Variants in CACNA2D3 observed in about 807,000 individuals in gnomAD.
CACNA2D3 encodes the protein calcium voltage-gated channel auxiliary subunit alpha2delta 3.
In CACNA2D3, 60 loss-of-function variants were observed where a neutral mutation model predicts 160.6. That is an observed-to-expected ratio of 0.37 (90% CI 0.30 to 0.46). The LOEUF is 0.46. Among genes scored for constraint, CACNA2D3 ranks in the 20% least tolerant of loss-of-function variants. The pLI, the probability that CACNA2D3 is intolerant of heterozygous loss-of-function variation, is 1.00. For missense variants in CACNA2D3, 1,205 were observed against 1,365.0 expected, an observed-to-expected ratio of 0.88 and a Z score of 1.85; for synonymous variants, 558 against 492.9, an observed-to-expected ratio of 1.13 and a Z score of -1.75.
intron 14 of CACNA2D3, among the ~76,000 whole-genome samples, chr3:54,831,745 G>A (rs1311468286): frequency 6.6e-6 from 1 of 152,080 alleles, no homozygotes; most frequent in African/African-American, 2.4e-5. Context: ...TCCTTTGTGT[G>A]GATTGTACAT....
intron 35 of CACNA2D3, among the ~76,000 whole-genome samples, chr3:55,062,811 C>G (rs572838605): frequency 1.3e-5 from 2 of 152,216 alleles, no homozygotes; most frequent in African/African-American, 4.8e-5. Context: ...TTTAGCTGCC[C>G]TAGAAGGTAA....
chr3:54,744,621 C>G (rs1423104217), intron 11 of CACNA2D3, among the ~76,000 whole-genome samples: 1 of 152,196 alleles, frequency 6.6e-6, no homozygotes, highest in Non-Finnish European at 1.5e-5. Context: ...TCAAAACCCA[C>G]CCCTGTGAAA....
intron 11 of CACNA2D3, among the ~76,000 whole-genome samples, chr3:54,727,831 A>C (rs1289538638): frequency 6.6e-6 from 1 of 152,108 alleles, no homozygotes. Flanking sequence ...TGGGTGTAGC[A>C]AACTACCATG....
chr3:54,967,320 C>A (rs1469799123), intron 27 of CACNA2D3, among the ~76,000 whole-genome samples: 1 of 152,170 alleles, frequency 6.6e-6, no homozygotes, highest in Admixed American at 6.5e-5. Context: ...GCCAGCACAA[C>A]AATGATTACC....
chr3:54,519,973 G>C (rs1238554610), intron 5 of CACNA2D3, among the ~76,000 whole-genome samples: 1 of 152,200 alleles, frequency 6.6e-6, no homozygotes, highest in Non-Finnish European at 1.5e-5. Context: ...CAAAGAGTTT[G>C]AACACACCTA....
intron 5 of CACNA2D3, among the ~76,000 whole-genome samples, chr3:54,524,898 G>T (rs1025635597): frequency 1.3e-5 from 2 of 151,936 alleles, no homozygotes; most frequent in African/African-American, 4.8e-5. Context: ...AATCTAAAGT[G>T]TTTCTCTTAT....
chr3:54,776,382 G>C (rs1233630594), intron 13 of CACNA2D3, among the ~76,000 whole-genome samples: 1 of 152,068 alleles, frequency 6.6e-6, no homozygotes, highest in Non-Finnish European at 1.5e-5. Context: ...AGGCACAGTG[G>C]AATGTGCCTG....
intron 2 of CACNA2D3, among the ~76,000 whole-genome samples, chr3:54,146,757 G>A (rs533728701): frequency 3.5e-4 from 54 of 152,342 alleles, no homozygotes; most frequent in African/African-American, 1.2e-3. Flanking sequence ...GGGTGTCACC[G>A]TTAGGGCCCC....
At chr3:54,822,766 CTTT>C (rs1559595471) in intron 14 of CACNA2D3, among the ~76,000 whole-genome samples, 32 of 87,668 alleles carry the variant, frequency 3.7e-4, no homozygotes, top group African/African-American at 1.2e-3. Context: ...TTCTTTCTTT[CTTT>C]CTTTCTTTCT....
At chr3:54,973,021 C>A (rs991618712) in intron 29 of CACNA2D3, among the ~76,000 whole-genome samples, 1 of 152,128 alleles carries the variant, frequency 6.6e-6, no homozygotes, top group Non-Finnish European at 1.5e-5. Flanking sequence ...ATATGATCAT[C>A]AATTGTGGTA....
chr3:54,587,278 C>T (rs1245912649), intron 9 of CACNA2D3, among the ~76,000 whole-genome samples: 1 of 151,828 alleles, frequency 6.6e-6, no homozygotes, highest in Non-Finnish European at 1.5e-5. Flanking sequence ...AAGAGAGGGG[C>T]AGGCGCGGTG....
chr3:54,960,036 A>C (rs1019402650), intron 27 of CACNA2D3, among the ~76,000 whole-genome samples: 2 of 151,534 alleles, frequency 1.3e-5, no homozygotes, highest in Non-Finnish European at 1.5e-5. Context: ...CATTTACTCT[A>C]CTTTACCAAA....
intron 34 of CACNA2D3, among the ~76,000 whole-genome samples, chr3:55,009,922 G>A (rs1703174067): frequency 6.6e-6 from 1 of 152,138 alleles, no homozygotes; most frequent in African/African-American, 2.4e-5. Context: ...GGAGGCATGG[G>A]TTGTGGAGTT....
At chr3:54,959,691 A>G (rs1055099105) in intron 27 of CACNA2D3, among the ~76,000 whole-genome samples, 22 of 152,194 alleles carry the variant, frequency 1.4e-4, no homozygotes, top group African/African-American at 4.8e-4. Flanking sequence ...TTAAAATACA[A>G]TGAAGCCCGA....
intron 2 of CACNA2D3, among the ~76,000 whole-genome samples, chr3:54,244,090 G>A (rs1015610848): frequency 1.3e-5 from 2 of 152,160 alleles, no homozygotes; most frequent in South Asian, 2.1e-4. Context: ...TCAACATAGA[G>A]CGATGTTGGG....
intron 4 of CACNA2D3, among the ~76,000 whole-genome samples, chr3:54,464,727 T>C (rs574354113): frequency 3.1e-4 from 47 of 152,376 alleles, no homozygotes; most frequent in Non-Finnish European, 5.0e-4. Flanking sequence ...TCGCGCTTCC[T>C]GAGTGAGGCA....
At chr3:54,549,580 G>T (rs530045526) in intron 5 of CACNA2D3, among the ~76,000 whole-genome samples, 5 of 152,344 alleles carry the variant, frequency 3.3e-5, no homozygotes, top group Non-Finnish European at 5.9e-5. Context: ...CCGTGACTGT[G>T]TAGTGACGTG....
intron 4 of CACNA2D3, among the ~76,000 whole-genome samples, chr3:54,475,757 GATATAC>G (rs897822124): frequency 4.7e-5 from 7 of 148,924 alleles, no homozygotes; most frequent in African/African-American, 1.5e-4. Context: ...GTGATGTTTT[GATATAC>G]ATATACATTA....
rs79137690 is a variant in CACNA2D3, at chr3:54,325,531, G to C, written c.321+4973G>C. 4.6e-3 allele frequency among the ~76,000 whole-genome samples: 704 copies of C among 152,244 alleles called. 22 individuals carry two copies. The East Asian group carries it at 0.084, about 18-fold the overall frequency. ...AGAACCTCCTCTGGTCTTCTCAAGT[G>C]TTTCTGGTTTCAGGGCCAGACACTG... On this transcript the variant is annotated intron_variant, in intron 3 of 37. Transcript: ENST00000474759.
Sources: allele counts gnomAD v4.1 joint callset (sites outside exome capture counted in the v4.1 genomes callset), GRCh38; gene constraint gnomAD v4.1.1; transcripts MANE v1.5; gene names NCBI Gene and HGNC (gene_info 2026-07-23, HGNC 2026-07-21).